FAM3B: variants seen among roughly 807,000 people sequenced by gnomAD.
The protein encoded by FAM3B is protein FAM3B.
A neutral mutation model predicts 28.4 loss-of-function variants in FAM3B; 29 were observed. The observed-to-expected ratio is 1.02, with a 90% CI of 0.76 to 1.39. The LOEUF (loss-of-function observed/expected upper bound fraction) is 1.39. Among genes scored for constraint, FAM3B ranks in the 40% most tolerant of loss-of-function variants. The pLI, the probability that FAM3B is intolerant of heterozygous loss-of-function variation, is 0.00. For missense variants in FAM3B, 266 were observed against 293.9 expected (o/e 0.91, Z 0.69); for synonymous variants, 91 against 103.0 (o/e 0.88, Z 0.71).
At chr21:41,315,834 G>C (rs1040494616), upstream of FAM3B, among the ~76,000 whole-genome samples, 4 of 152,164 alleles carry the variant, frequency 2.6e-5, no homozygotes, top group Admixed American at 1.3e-4. Flanking sequence ...AGCCCACCAG[G>C]GTGACCCACA....
intron 7 of FAM3B, among the ~76,000 whole-genome samples, chr21:41,350,523 G>A (rs2145832398): frequency 6.6e-6 from 1 of 152,320 alleles, no homozygotes; most frequent in African/African-American, 2.4e-5. Context: ...CCTTCCTGGA[G>A]CTCCCCGGGT....
chr21:41,343,650 C>T (rs1193902850), intron 3 of FAM3B, among the ~76,000 whole-genome samples: 1 of 152,178 alleles, frequency 6.6e-6, no homozygotes, highest in Non-Finnish European at 1.5e-5. Flanking sequence ...GCTAACATGT[C>T]ATTGATTCTG....
chr21:41,347,369 A>G (rs962372882), intron 6 of FAM3B, among the ~76,000 whole-genome samples: 8 of 152,216 alleles, frequency 5.3e-5, no homozygotes, highest in African/African-American at 1.9e-4. Flanking sequence ...TAATTAGGAC[A>G]GACAAACTAA....
chr21:41,345,898 T>C, intron 5 of FAM3B, 162 bp downstream of exon 5: 1 of 576,902 alleles, frequency 1.7e-6, no homozygotes, highest in Non-Finnish European at 3.1e-6. Context: ...CCTCTTAAAC[T>C]CTAATTGAAT....
chr21:41,319,255 G>A (rs2088779631), intron 1 of FAM3B, among the ~76,000 whole-genome samples: 1 of 152,104 alleles, frequency 6.6e-6, no homozygotes, highest in African/African-American at 2.4e-5. Context: ...CTGAGAGTGG[G>A]GATTGGCTGG....
intron 1 of FAM3B, among the ~76,000 whole-genome samples, chr21:41,322,327 G>A (rs1404025060): frequency 6.6e-6 from 1 of 152,138 alleles, no homozygotes; most frequent in Non-Finnish European, 1.5e-5. Flanking sequence ...CTGTCACTGG[G>A]AACCTTGACT....
upstream of FAM3B, among the ~76,000 whole-genome samples, chr21:41,312,925 G>C (rs2088723910): frequency 6.6e-6 from 1 of 152,208 alleles, no homozygotes; most frequent in Non-Finnish European, 1.5e-5. Context: ...CAAGGCTTAG[G>C]GGAGGCCTTC....
chr21:41,316,575 T>A (rs2088749998), upstream of FAM3B, among the ~76,000 whole-genome samples: 2 of 152,154 alleles, frequency 1.3e-5, no homozygotes, highest in South Asian at 4.1e-4. Context: ...TTGCTGGGCT[T>A]CTCCGGTCAG....
intron 6 of FAM3B, 63 bp downstream of exon 6, chr21:41,347,163 AG>A: frequency 7.3e-7 from 1 of 1,374,878 alleles, no homozygotes; most frequent in South Asian, 1.2e-5. Context: ...AGAGGCTGCC[AG>A]GGTCTCTCAG....
intron 3 of FAM3B, 128 bp downstream of exon 3, chr21:41,338,629 G>T (rs2088977368): frequency 7.9e-7 from 1 of 1,264,072 alleles, no homozygotes; most frequent in Non-Finnish European, 1.1e-6. Context: ...GCAAAAGGCT[G>T]AGAGCATCCA....
upstream of FAM3B, among the ~76,000 whole-genome samples, chr21:41,315,086 A>G (rs1027170273): frequency 3.9e-5 from 6 of 152,188 alleles, no homozygotes; most frequent in African/African-American, 1.4e-4. Flanking sequence ...CATATGTCCA[A>G]TGGAATTTTA....
intron 2 of FAM3B, among the ~76,000 whole-genome samples, chr21:41,330,398 G>C (rs2088894812): frequency 6.6e-6 from 1 of 152,162 alleles, no homozygotes; most frequent in African/African-American, 2.4e-5. Flanking sequence ...GGTATATATA[G>C]GGTTCTGTAC....
At chr21:41,313,323 A>C (rs987877761), upstream of FAM3B, among the ~76,000 whole-genome samples, 1 of 152,274 alleles carries the variant, frequency 6.6e-6, no homozygotes, top group East Asian at 1.9e-4. Context: ...AAATACAAAG[A>C]ACTTTCTGTT....
Position 41,323,075 on chromosome 21 carries a change from C to T in FAM3B, c.163+9C>T, listed in dbSNP as rs773647208. The T allele has an allele frequency of 1.4e-5, 22 of 1,601,920 alleles. No homozygotes were observed. The highest frequency in any genetic ancestry group is 3.3e-5 in the Admixed American group (2 of 59,996). On this transcript the variant is annotated intron_variant, in intron 2 of 7. Transcript: ENST00000357985. ...GAGGCCTGTCCTCAAAGGTGAGTGCCGTGCTTGGGGCAGACGGCTGCCTTC... is the reference window on the plus strand; with the variant it reads ...GAGGCCTGTCCTCAAAGGTGAGTGCTGTGCTTGGGGCAGACGGCTGCCTTC...
intron 7 of FAM3B, among the ~76,000 whole-genome samples, chr21:41,355,578 A>AACAC (rs2089157983): frequency 6.6e-6 from 1 of 151,892 alleles, no homozygotes; most frequent in African/African-American, 2.4e-5. Context: ...CAAACAAACA[A>AACAC]ACACAAAAGG....
intron 7 of FAM3B, among the ~76,000 whole-genome samples, chr21:41,356,197 C>G (rs1359628636): frequency 1.3e-5 from 2 of 152,076 alleles, no homozygotes; most frequent in Non-Finnish European, 2.9e-5. Context: ...AAATAGAATT[C>G]AAATTTTGGT....
chr21:41,343,023 G>A (rs1165098780), intron 3 of FAM3B, among the ~76,000 whole-genome samples: 1 of 152,182 alleles, frequency 6.6e-6, no homozygotes, highest in Non-Finnish European at 1.5e-5. Flanking sequence ...GATTTTCTGG[G>A]CCACCTAGTT....
intron 1 of FAM3B, among the ~76,000 whole-genome samples, chr21:41,318,417 G>A (rs927151561): frequency 6.6e-6 from 1 of 152,190 alleles, no homozygotes; most frequent in African/African-American, 2.4e-5. Context: ...AGTGGGTATC[G>A]TAATACCTTG....
At chr21:41,352,824 T>TAAATAAACAAAC (rs1428789090) in intron 7 of FAM3B, among the ~76,000 whole-genome samples, 1 of 151,516 alleles carries the variant, frequency 6.6e-6, no homozygotes, top group African/African-American at 2.4e-5. Context: ...AATAAATAAA[T>TAAATAAACAAAC]AAAGGAAGAA....
Sources: allele counts gnomAD v4.1 joint callset (sites outside exome capture counted in the v4.1 genomes callset), GRCh38; gene constraint gnomAD v4.1.1; transcripts MANE v1.5; gene names NCBI Gene and HGNC (gene_info 2026-07-23, HGNC 2026-07-21).